Variants in SH3GL2 observed in about 807,000 individuals in gnomAD.
SH3GL2 encodes the protein endophilin-A1.
In SH3GL2, 24 loss-of-function variants were observed where a neutral mutation model predicts 46.0. That is an observed-to-expected ratio of 0.52 (90% CI 0.38 to 0.73). The LOEUF (loss-of-function observed/expected upper bound fraction) is 0.73. SH3GL2 is among the 30% of genes least tolerant of loss of function. The pLI, the probability that SH3GL2 is intolerant of heterozygous loss-of-function variation, is 0.00. For synonymous variants in SH3GL2, 196 were observed against 147.1 expected, an observed-to-expected ratio of 1.33 and a Z score of -2.40; for missense variants, 413 against 424.2, an observed-to-expected ratio of 0.97 and a Z score of 0.23.
At chr9:17,778,164 G>T (rs1050333628) in intron 3 of SH3GL2, among the ~76,000 whole-genome samples, 4 of 152,138 alleles carry the variant, frequency 2.6e-5, no homozygotes, top group Non-Finnish European at 5.9e-5. Flanking sequence ...AACATCATTT[G>T]TAATCCTCAC....
At chr9:17,649,131 T>C (rs989915468) in intron 1 of SH3GL2, among the ~76,000 whole-genome samples, 3 of 152,230 alleles carry the variant, frequency 2.0e-5, no homozygotes, top group African/African-American at 7.2e-5. Context: ...GAAAGAGTCT[T>C]ACCCTGTCAC....
chr9:17,682,730 T>C (rs1037441693), intron 1 of SH3GL2, among the ~76,000 whole-genome samples: 5 of 151,834 alleles, frequency 3.3e-5, no homozygotes, highest in African/African-American at 1.2e-4. Context: ...ACACAAGATC[T>C]ATTCCTCCTT....
At chr9:17,608,696 C>T (rs1380667088) in intron 1 of SH3GL2, among the ~76,000 whole-genome samples, 2 of 152,282 alleles carry the variant, frequency 1.3e-5, no homozygotes, top group Middle Eastern at 3.4e-3. Context: ...TCTGTCTCTC[C>T]TTACATAAGT....
At chr9:17,704,483 C>T (rs917772297) in intron 1 of SH3GL2, among the ~76,000 whole-genome samples, 1 of 151,830 alleles carries the variant, frequency 6.6e-6, no homozygotes, top group South Asian at 2.1e-4. Flanking sequence ...ATAGACAAGG[C>T]TAAGCTAAAA....
rs768200386 is a variant in SH3GL2, at chr9:17,645,576, T to A, written c.45+66289T>A. Among the ~76,000 whole-genome samples the A allele has an allele frequency of 1.1e-3, 162 of 152,256 alleles. 1 individual carries two copies. Among genetic ancestry groups the A allele is most frequent in the Admixed American group, 2.2e-3 (33 of 15,278 alleles). On this transcript the variant is annotated intron_variant, in intron 1 of 8. Coordinates refer to ENST00000380607, the MANE Select transcript of SH3GL2 (RefSeq NM_003026.5). ...TTGTAAGGCAGGCCTGATGGTGACATAACCTCTCAGCATTTGCTTGTCTGT... is the reference window on the plus strand; with the variant it reads ...TTGTAAGGCAGGCCTGATGGTGACAAAACCTCTCAGCATTTGCTTGTCTGT...
At chr9:17,725,572 C>T (rs2383043) in intron 1 of SH3GL2, among the ~76,000 whole-genome samples, 10,143 of 152,224 alleles carry the variant, frequency 0.067, 545 homozygotes, top group Admixed American at 0.17. Context: ...GCCATTTCTC[C>T]TGCACAGAAT....
At chr9:17,654,413 A>G (rs1563799428) in intron 1 of SH3GL2, among the ~76,000 whole-genome samples, 1 of 152,180 alleles carries the variant, frequency 6.6e-6, no homozygotes, top group African/African-American at 2.4e-5. Context: ...AATGAAATAA[A>G]TGAATTAGCA....
intron 1 of SH3GL2, among the ~76,000 whole-genome samples, chr9:17,684,160 A>G (rs937740814): frequency 6.6e-6 from 1 of 152,150 alleles, no homozygotes; most frequent in Non-Finnish European, 1.5e-5. Context: ...TTAAATAACT[A>G]TGATCAATAT....
At chr9:17,710,422 T>G (rs915140569) in intron 1 of SH3GL2, among the ~76,000 whole-genome samples, 14 of 151,696 alleles carry the variant, frequency 9.2e-5, no homozygotes, top group African/African-American at 3.4e-4. Flanking sequence ...AGCCTTGGAG[T>G]GTTATGGTCA....
chr9:17,653,520 C>A (rs1295440487), intron 1 of SH3GL2, among the ~76,000 whole-genome samples: 1 of 152,116 alleles, frequency 6.6e-6, no homozygotes, highest in Non-Finnish European at 1.5e-5. Context: ...GGTGCTTCTG[C>A]TCCTCATTTG....
At chr9:17,580,214 T>G (rs1444622530) in intron 1 of SH3GL2, among the ~76,000 whole-genome samples, 4 of 152,204 alleles carry the variant, frequency 2.6e-5, no homozygotes, top group African/African-American at 9.6e-5. Flanking sequence ...AGGTTCAAAT[T>G]TATGGGATCT....
intron 1 of SH3GL2, among the ~76,000 whole-genome samples, chr9:17,672,740 C>G (rs904130937): frequency 6.6e-6 from 1 of 152,146 alleles, no homozygotes; most frequent in South Asian, 2.1e-4. Context: ...TAACTAACTT[C>G]TAGACCTCTC....
intron 1 of SH3GL2, among the ~76,000 whole-genome samples, chr9:17,740,871 T>C (rs1252309080): frequency 1.3e-5 from 2 of 152,188 alleles, no homozygotes; most frequent in Admixed American, 1.3e-4. Flanking sequence ...TAGATGATGT[T>C]GGTTTTCATT....
At position 17,591,194 on chromosome 9, in the gene SH3GL2, C is replaced by T. The variant is rs560617539; in HGVS notation, c.45+11907C>T. ...GACGTGTCTTAAACAGAAAGCTTAT[C>T]ATAAAATCTCTATATCAATTGTTTT... is the stretch of plus-strand genomic sequence containing the variant. On this transcript the variant is annotated intron_variant, in intron 1 of 8. Coordinates refer to ENST00000380607, the MANE Select transcript of SH3GL2 (RefSeq NM_003026.5). The T allele has an allele frequency of 2.0e-5, 3 of 152,292 alleles. No individual in the cohort carries two copies. In the East Asian group the frequency reaches 5.8e-4, roughly 29 times the overall value. The allele number at this position is 152,292 out of a possible 1,614,324, so 9.4% of individuals were successfully genotyped here.
chr9:17,676,630 T>A (rs1244435619), intron 1 of SH3GL2, among the ~76,000 whole-genome samples: 1 of 152,102 alleles, frequency 6.6e-6, no homozygotes, highest in Non-Finnish European at 1.5e-5. Context: ...ACAAAAAGTA[T>A]ATCACAAATA....
At chr9:17,757,109 C>T (rs559371779) in intron 2 of SH3GL2, among the ~76,000 whole-genome samples, 23 of 152,290 alleles carry the variant, frequency 1.5e-4, no homozygotes, top group African/African-American at 5.3e-4. Context: ...TGTCTGTTGG[C>T]TGCATAAATG....
intron 1 of SH3GL2, among the ~76,000 whole-genome samples, chr9:17,676,424 G>A (rs1242843888): frequency 6.6e-6 from 1 of 152,036 alleles, no homozygotes; most frequent in Non-Finnish European, 1.5e-5. Flanking sequence ...TAGCCAACAG[G>A]GTGAAACCCT....
intron 1 of SH3GL2, among the ~76,000 whole-genome samples, chr9:17,706,044 T>C (rs1469153147): frequency 1.3e-5 from 2 of 152,012 alleles, no homozygotes; most frequent in African/African-American, 4.8e-5. Context: ...ATCAAAGTAA[T>C]ATATAGAAAG....
Position 17,708,205 on chromosome 9 carries a change from C to T in SH3GL2, c.46-38861C>T, listed in dbSNP as rs565548229. Among the ~76,000 whole-genome samples, 12 of 152,108 alleles carry T rather than the reference C, an allele frequency of 7.9e-5. No individual in the cohort carries two copies. The East Asian group carries it at 1.9e-3, about 25-fold the overall frequency. ...TCATTGCTGTTCCCAGGTTCTGTGC[C>T]TGCTTCTGGACATCCTCATCACTGT... On this transcript the variant is annotated intron_variant, in intron 1 of 8. Transcript: ENST00000380607.
Sources: allele counts gnomAD v4.1 joint callset (sites outside exome capture counted in the v4.1 genomes callset), GRCh38; gene constraint gnomAD v4.1.1; transcripts MANE v1.5; gene names NCBI Gene and HGNC (gene_info 2026-07-23, HGNC 2026-07-21).